ZNF599: variants seen among roughly 807,000 people sequenced by gnomAD.
ZNF599 encodes the protein zinc finger protein 599.
Under a neutral mutation model 11.7 loss-of-function variants are expected in ZNF599, and 10 were observed. The ratio of observed to expected loss-of-function variants is 0.86; its 90% CI spans 0.53 to 1.45. ZNF599 has a LOEUF of 1.45. ZNF599 is among the 40% of genes most tolerant of loss of function. ZNF599 has a pLI of 0.00. For missense variants in ZNF599, 688 were observed against 713.6 expected, an observed-to-expected ratio of 0.96 and a Z score of 0.41; for synonymous variants, 232 against 253.2, an observed-to-expected ratio of 0.92 and a Z score of 0.79.
At chr19:34,796,617 A>C in the ZNF599 span, among the ~76,000 whole-genome samples, 9 of 152,224 alleles carry the variant, frequency 5.9e-5, no homozygotes, top group East Asian at 1.7e-3. Context: ...AGCCTTTCCA[A>C]GTTTTTAAGA....
At chr19:34,803,865 C>T in the ZNF599 span, among the ~76,000 whole-genome samples, 1 of 152,264 alleles carries the variant, frequency 6.6e-6, no homozygotes, top group East Asian at 1.9e-4. Flanking sequence ...ATGTGCACAT[C>T]ATTCTTTAGG....
chr19:34,761,359 A>G (rs956652804), intron 3 of ZNF599, among the ~76,000 whole-genome samples: 1 of 152,170 alleles, frequency 6.6e-6, no homozygotes, highest in African/African-American at 2.4e-5. Context: ...ATCAATATAA[A>G]GTTATCAGTT....
the ZNF599 span, among the ~76,000 whole-genome samples, chr19:34,802,842 C>A: frequency 6.6e-6 from 1 of 152,140 alleles, no homozygotes; most frequent in African/African-American, 2.4e-5. Context: ...CCCCTGCTCC[C>A]AGCTGAGAAT....
chr19:34,759,759 AG>A lies in ZNF599; in HGVS notation c.1041del (p.Phe348SerfsTer12), dbSNP rs1330716384. The A allele has an allele frequency of 6.2e-7, 1 of 1,614,054 alleles. No homozygotes were observed. Among genetic ancestry groups the A allele is most frequent in the East Asian group, 2.2e-5 (1 of 44,892 alleles). On this transcript the variant is annotated frameshift_variant, in exon 4 of 4. Coordinates refer to ENST00000329285, the MANE Select transcript of ZNF599 (RefSeq NM_001007248.3). LOFTEE classifies it low-confidence loss of function (END_TRUNC). The part of the protein sequence containing the change: ...KLYECGECGK[A>X]FTHRSTFIQH... The stretch of plus-strand genomic sequence containing the variant: ...TGGATAAATGTGGAGCGGTGCGTGA[AG>A]GCCTTTCCACATTCACCGCACTCAT...
rs376895268 is a variant in ZNF599 at position 34,767,735 on chromosome 19, G to A, written c.146-324C>T. 6.6e-5 allele frequency among the ~76,000 whole-genome samples: 10 copies of A among 152,146 alleles called. No homozygotes were observed. The South Asian group carries it at 8.3e-4, about 13-fold the overall frequency. ...TGGTTGAAAAACACAGGACTAAATC[G>A]CCTGATGAATGGCATCTATTGATAG... is the stretch of plus-strand genomic sequence containing the variant. On this transcript the variant is annotated intron_variant, in intron 2 of 3. Transcript: ENST00000329285.
chr19:34,771,062 T>G (rs1370878066), intron 1 of ZNF599, among the ~76,000 whole-genome samples: 8 of 151,996 alleles, frequency 5.3e-5, no homozygotes, highest in Admixed American at 4.6e-4. Flanking sequence ...ACTGTTTGAG[T>G]TCAGGAGTTC....
At chr19:34,791,000 G>T in the ZNF599 span, among the ~76,000 whole-genome samples, 1 of 152,146 alleles carries the variant, frequency 6.6e-6, no homozygotes, top group Non-Finnish European at 1.5e-5. Flanking sequence ...GTCTTTTAGA[G>T]CCACTGTGTT....
Position 34,760,304 on chromosome 19 carries a change from C to A in ZNF599, c.497G>T (p.Arg166Met), listed in dbSNP as rs2069104163. The change falls in exon 4 of 4, where the codon AGG (arginine) becomes ATG (methionine). Residue 166 changes from arginine (R) to methionine (M), a missense_variant. Transcript: ENST00000329285. ...TGGAGTGACTCGTTCCTGTAAAACCCTTAAGCCCAGACTATCATCTGGCTC... is the reference window on the plus strand; with the variant it reads ...TGGAGTGACTCGTTCCTGTAAAACCATTAAGCCCAGACTATCATCTGGCTC... ...DLEPDDSLGL[R>M]VLQERVTPQD... is the part of the protein sequence containing the mutation. 1 of 1,614,184 alleles carries A rather than the reference C, an allele frequency of 6.2e-7. No homozygotes were observed. The highest frequency in any genetic ancestry group is 1.3e-5 in the African/African-American group (1 of 75,038).
chr19:34,762,704 T>C (rs776362322), intron 3 of ZNF599: 5 of 152,192 alleles, frequency 3.3e-5, no homozygotes, highest in East Asian at 1.9e-4. Flanking sequence ...TAACTTACTG[T>C]TGAATAAAGA....
the ZNF599 span, among the ~76,000 whole-genome samples, chr19:34,790,088 C>T: frequency 6.6e-6 from 1 of 152,300 alleles, no homozygotes; most frequent in African/African-American, 2.4e-5. Context: ...TGTTTTCCAA[C>T]ACCATTTATT....
chr19:34,765,730 A>T (rs1052873894), intron 3 of ZNF599: 1 of 699,008 alleles, frequency 1.4e-6, no homozygotes, highest in Non-Finnish European at 2.6e-6. Flanking sequence ...AGTAGGTCAG[A>T]TGCTCTGACA....
chr19:34,777,341 TA>T (rs1224783694), upstream of ZNF599, among the ~76,000 whole-genome samples: 2 of 44,520 alleles, frequency 4.5e-5, no homozygotes, highest in Non-Finnish European at 8.0e-5. Context: ...TATATATTAA[TA>T]TATTATATAT....
intron 3 of ZNF599, chr19:34,763,423 G>A (rs2069124069): frequency 6.6e-6 from 1 of 152,226 alleles, no homozygotes. Flanking sequence ...CACTTTGGAA[G>A]GCCAAGACAG....
At chr19:34,760,652 C>T in intron 3 of ZNF599, 93 bp from the exon 4 acceptor site, 1 of 1,177,730 alleles carries the variant, frequency 8.5e-7, no homozygotes. Flanking sequence ...AAGGTGAAAA[C>T]AGTGTCTCTG....
chr19:34,803,123 C>T, the ZNF599 span, among the ~76,000 whole-genome samples: 3 of 152,210 alleles, frequency 2.0e-5, no homozygotes, highest in Middle Eastern at 3.4e-3. Flanking sequence ...TAAAGGCTGA[C>T]GGCAAGACTC....
At chr19:34,772,065 G>A (rs766631729) in intron 1 of ZNF599, among the ~76,000 whole-genome samples, 10 of 152,200 alleles carry the variant, frequency 6.6e-5, no homozygotes, top group African/African-American at 1.7e-4. Flanking sequence ...TCAGAGCTAC[G>A]AGGAGTAAAC....
At chr19:34,773,992 C>G (rs2069203819), upstream of ZNF599, among the ~76,000 whole-genome samples, 1 of 152,186 alleles carries the variant, frequency 6.6e-6, no homozygotes, top group African/African-American at 2.4e-5. Context: ...AAAACAAATA[C>G]GTTGACTGAT....
chr19:34,773,216 G>A (rs1041299065), upstream of ZNF599: 7 of 257,076 alleles, frequency 2.7e-5, no homozygotes, highest in African/African-American at 1.6e-4. Context: ...CTGGACGCCG[G>A]AAGTCCCGCC....
chr19:34,801,085 C>G, the ZNF599 span, among the ~76,000 whole-genome samples: 1 of 152,218 alleles, frequency 6.6e-6, no homozygotes, highest in Non-Finnish European at 1.5e-5. Context: ...TTCTCCATAT[C>G]ACAGTCAGTG....
Sources: allele counts gnomAD v4.1 joint callset (sites outside exome capture counted in the v4.1 genomes callset), GRCh38; gene constraint gnomAD v4.1.1; transcripts MANE v1.5; gene names NCBI Gene and HGNC (gene_info 2026-07-23, HGNC 2026-07-21).